The following NKAIN2 variants were observed in gnomAD, a reference collection of about 807,000 sequenced individuals.
NKAIN2 encodes the protein sodium/potassium-transporting ATPase subunit beta-1-interacting protein 2.
A neutral mutation model predicts 32.6 loss-of-function variants in NKAIN2; 14 were observed. That is an observed-to-expected ratio of 0.43 (90% CI 0.28 to 0.67). The LOEUF is 0.67. NKAIN2 is among the 30% of genes least tolerant of loss of function. The probability of loss-of-function intolerance (pLI) is 0.17; values close to 1 mark genes in which losing one functional copy is unlikely to be tolerated. For synonymous variants in NKAIN2, 80 were observed against 87.2 expected, an observed-to-expected ratio of 0.92 and a Z score of 0.46; for missense variants, 198 against 258.3, an observed-to-expected ratio of 0.77 and a Z score of 1.60.
chr6:124,801,250 T>G (rs1780241757), intron 5 of NKAIN2, among the ~76,000 whole-genome samples: 1 of 152,196 alleles, frequency 6.6e-6, no homozygotes, highest in South Asian at 2.1e-4. Context: ...TTACACTAAT[T>G]TTTTTCATTC....
At chr6:124,126,259 C>T (rs1786159113) in intron 1 of NKAIN2, among the ~76,000 whole-genome samples, 1 of 152,300 alleles carries the variant, frequency 6.6e-6, no homozygotes, top group East Asian at 1.9e-4. Flanking sequence ...CTAATCCTAT[C>T]ATGTTTTCGC....
chr6:124,335,611 T>G (rs1797830308), intron 2 of NKAIN2, among the ~76,000 whole-genome samples: 1 of 152,134 alleles, frequency 6.6e-6, no homozygotes, highest in Non-Finnish European at 1.5e-5. Context: ...CAAAAAAATT[T>G]ACAACTACCA....
intron 2 of NKAIN2, among the ~76,000 whole-genome samples, chr6:124,285,367 T>A (rs73770394): frequency 6.6e-6 from 1 of 151,742 alleles, no homozygotes; most frequent in East Asian, 1.9e-4. Flanking sequence ...CACTGTCATC[T>A]TTTTTTTGCT....
intron 6 of NKAIN2, among the ~76,000 whole-genome samples, chr6:124,820,095 A>G (rs1408299208): frequency 6.6e-6 from 1 of 152,148 alleles, no homozygotes; most frequent in Non-Finnish European, 1.5e-5. Flanking sequence ...CATGTACTAC[A>G]GTTGTTTGCT....
At position 124,779,332 on chromosome 6, in the gene NKAIN2, G is replaced by A. The variant is rs1191993154; in HGVS notation, c.475-12007G>A. ...GGAGGGAGGGAGGGAAGGAAGGAAG[G>A]AAGGAAGGAAGGAAGGAAGGAAGGA... On this transcript the variant is annotated intron_variant, in intron 4 of 6. Transcript: ENST00000368417. Among the ~76,000 whole-genome samples the A allele has an allele frequency of 3.9e-5, 5 of 128,246 alleles. No homozygotes were observed. In the East Asian group the frequency reaches 1.1e-3, roughly 28 times the overall value. The allele number at this position is 128,246 out of a possible 152,430, so 84.1% of individuals were successfully genotyped here.
chr6:124,576,100 A>G (rs182565812), intron 3 of NKAIN2, among the ~76,000 whole-genome samples: 1 of 152,334 alleles, frequency 6.6e-6, no homozygotes, highest in African/African-American at 2.4e-5. Flanking sequence ...CAAGCATTAA[A>G]AATTACTGAT....
At chr6:124,152,644 A>G (rs1220896536) in intron 1 of NKAIN2, among the ~76,000 whole-genome samples, 3 of 151,986 alleles carry the variant, frequency 2.0e-5, no homozygotes, top group African/African-American at 7.2e-5. Context: ...CGTATGATCC[A>G]CCAATCCAAC....
intron 1 of NKAIN2, among the ~76,000 whole-genome samples, chr6:124,090,200 G>C (rs1036526666): frequency 2.0e-5 from 3 of 151,894 alleles, no homozygotes; most frequent in Admixed American, 2.0e-4. Context: ...CTGTTTTGAG[G>C]CATTTATGAA....
intron 3 of NKAIN2, among the ~76,000 whole-genome samples, chr6:124,467,821 T>A (rs192776057): frequency 6.6e-6 from 1 of 152,252 alleles, no homozygotes; most frequent in Admixed American, 6.5e-5. Flanking sequence ...TTTGAAAATA[T>A]TATTATAAAT....
chr6:124,402,384 A>G (rs1421956568), intron 3 of NKAIN2, among the ~76,000 whole-genome samples: 1 of 152,150 alleles, frequency 6.6e-6, no homozygotes. Context: ...TGAAACAACC[A>G]TCCTTTCCCG....
intron 1 of NKAIN2, among the ~76,000 whole-genome samples, chr6:124,183,141 G>A (rs1789532818): frequency 1.3e-5 from 2 of 152,000 alleles, no homozygotes; most frequent in African/African-American, 4.8e-5. Flanking sequence ...ATATTGCATT[G>A]GGGTTAAGCA....
At chr6:123,993,653 A>G (rs984633271) in intron 1 of NKAIN2, among the ~76,000 whole-genome samples, 4 of 152,172 alleles carry the variant, frequency 2.6e-5, no homozygotes, top group African/African-American at 9.7e-5. Context: ...AGGGTGATCC[A>G]TATCCAGTGT....
chr6:123,920,246 G>T (rs1441013309), intron 1 of NKAIN2, among the ~76,000 whole-genome samples: 1 of 152,080 alleles, frequency 6.6e-6, no homozygotes, highest in Non-Finnish European at 1.5e-5. Flanking sequence ...TAACAACGCT[G>T]GCAAAATAAG....
At chr6:124,282,977 A>ATCT in intron 1 of NKAIN2, 28 bp from the exon 2 acceptor site, 1 of 1,610,886 alleles carries the variant, frequency 6.2e-7, no homozygotes, top group Non-Finnish European at 8.5e-7. Flanking sequence ...TCACATGCTG[A>ATCT]TCTGTCCATC....
chr6:124,646,328 G>A (rs1040203974), intron 3 of NKAIN2, among the ~76,000 whole-genome samples: 5 of 151,974 alleles, frequency 3.3e-5, no homozygotes, highest in South Asian at 2.1e-4. Context: ...TATTAGACTC[G>A]CAAGACTTGG....
At chr6:124,325,540 T>C (rs1265526073) in intron 2 of NKAIN2, among the ~76,000 whole-genome samples, 1 of 152,092 alleles carries the variant, frequency 6.6e-6, no homozygotes, top group African/African-American at 2.4e-5. Context: ...AGGTTAGATG[T>C]ATTCATAAAA....
chr6:124,360,016 A>G (rs1305307156), intron 3 of NKAIN2, among the ~76,000 whole-genome samples: 7 of 152,188 alleles, frequency 4.6e-5, no homozygotes, highest in Admixed American at 6.5e-5. Flanking sequence ...CCTTTTCTGC[A>G]TCTATTGAGA....
At chr6:123,971,239 T>C (rs1778327448) in intron 1 of NKAIN2, among the ~76,000 whole-genome samples, 3 of 152,028 alleles carry the variant, frequency 2.0e-5, no homozygotes, top group Admixed American at 1.3e-4. Flanking sequence ...AGTAGCTAGA[T>C]TAGGTTTCTC....
chr6:123,804,072 A>G lies in NKAIN2; in HGVS notation c.-129A>G. The stretch of plus-strand genomic sequence containing the variant: ...TGTCACTTCCCAGGACGCTGGCAGC[A>G]GCAGCAGCCCGGAGCCCCCGAGCCC... On this transcript the variant is annotated 5_prime_UTR_variant, in exon 1 of 7. Transcript: ENST00000368417. The G allele has an allele frequency of 3.5e-6, 3 of 857,192 alleles. No individual in the cohort carries two copies. Among genetic ancestry groups the G allele is most frequent in the Non-Finnish European group, 2.0e-6 (1 of 497,246 alleles). The allele number at this position is 857,192 out of a possible 1,614,324, so 53.1% of individuals were successfully genotyped here. A position where few individuals can be genotyped will look rare whatever the true frequency, so the allele number is the denominator to read the frequency against.
Sources: allele counts gnomAD v4.1 joint callset (sites outside exome capture counted in the v4.1 genomes callset), GRCh38; gene constraint gnomAD v4.1.1; transcripts MANE v1.5; gene names NCBI Gene and HGNC (gene_info 2026-07-23, HGNC 2026-07-21).